The following STX18 variants were observed in gnomAD, a reference collection of about 807,000 sequenced individuals.
STX18 encodes the protein syntaxin-18.
In STX18, 40 loss-of-function variants were observed where a neutral mutation model predicts 50.1. The observed-to-expected ratio is 0.80, with a 90% CI of 0.62 to 1.04. The LOEUF is 1.04. STX18 is among the 50% of genes least tolerant of loss of function. The pLI is 0.00. For synonymous variants in STX18, 158 were observed against 151.8 expected, an observed-to-expected ratio of 1.04 and a Z score of -0.30; for missense variants, 410 against 415.8, an observed-to-expected ratio of 0.99 and a Z score of 0.12.
chr4:4,466,484 A>G (rs187022595), intron 2 of STX18, among the ~76,000 whole-genome samples: 19 of 152,334 alleles, frequency 1.2e-4, no homozygotes, highest in Admixed American at 1.2e-3. Flanking sequence ...GATTCCATCT[A>G]CGATGATAAG....
At chr4:4,494,806 A>C (rs1232435232) in intron 1 of STX18, among the ~76,000 whole-genome samples, 1 of 152,206 alleles carries the variant, frequency 6.6e-6, no homozygotes, top group Non-Finnish European at 1.5e-5. Context: ...CCTTAATTGC[A>C]AAAGGTCATT....
chr4:4,464,936 G>T (rs1727551049), intron 2 of STX18, among the ~76,000 whole-genome samples: 1 of 150,012 alleles, frequency 6.7e-6, no homozygotes, highest in Non-Finnish European at 1.5e-5. Flanking sequence ...ATCTCCTTTA[G>T]TTCAGCTCTG....
intron 1 of STX18, among the ~76,000 whole-genome samples, chr4:4,485,877 C>T (rs1192041756): frequency 4.6e-5 from 7 of 152,188 alleles, no homozygotes; most frequent in Admixed American, 4.6e-4. Context: ...CTGGTACTTT[C>T]CTGCACGGAA....
In STX18 at chr4:4,425,239, A is replaced by G. The variant is rs768564770; in HGVS notation, c.703-17T>C. ...CTGTTCAAACTGTGAGGAAACAGACACACTCAGGATGACATCATACTGAAC... is the reference window on the plus strand; with the variant it reads ...CTGTTCAAACTGTGAGGAAACAGACGCACTCAGGATGACATCATACTGAAC... On this transcript the variant is annotated splice_polypyrimidine_tract_variant and intron_variant, in intron 7 of 10. Transcript: ENST00000306200. 1.2e-6 allele frequency: 2 copies of G among 1,611,938 alleles called. No individual in the cohort carries two copies. Among genetic ancestry groups the G allele is most frequent in the Admixed American group, 1.7e-5 (1 of 59,996 alleles).
chr4:4,467,624 A>G (rs1162731954), intron 2 of STX18, among the ~76,000 whole-genome samples: 2 of 152,146 alleles, frequency 1.3e-5, no homozygotes, highest in Non-Finnish European at 2.9e-5. Context: ...CAGGCTTAAC[A>G]GCAGTGCCTT....
chr4:4,457,532 C>G lies in STX18; in HGVS notation c.353-32G>C, dbSNP rs758565155. On this transcript the variant is annotated intron_variant, in intron 3 of 10. Transcript: ENST00000306200. ...CAGAAAAAGACAATGTTCAGGCCTT[C>G]GCACTCAATTATCCTAAAGAGCAAT... 6 of 1,538,020 alleles carry G rather than the reference C, an allele frequency of 3.9e-6. No homozygotes were observed. The African/African-American group carries it at 6.9e-5, about 18-fold the overall frequency.
chr4:4,521,032 A>T (rs938483290), intron 1 of STX18, among the ~76,000 whole-genome samples: 2 of 152,022 alleles, frequency 1.3e-5, no homozygotes, highest in African/African-American at 4.8e-5. Flanking sequence ...ACAAAATCCC[A>T]CCTGACTTCA....
intron 5 of STX18, among the ~76,000 whole-genome samples, chr4:4,446,153 A>AT (rs111498626): frequency 0.3 from 45,444 of 151,844 alleles, 8,322 homozygotes; most frequent in African/African-American, 0.52. Context: ...AACCCCAGTT[A>AT]TTATATAGAA....
chr4:4,480,199 A>G lies in STX18; in HGVS notation c.169-8493T>C, dbSNP rs1728389739. Among the ~76,000 whole-genome samples, 2 of 152,226 alleles carry G rather than the reference A, an allele frequency of 1.3e-5. 1 individual carries two copies. Among genetic ancestry groups the G allele is most frequent in the South Asian group, 4.1e-4 (2 of 4,830 alleles). ...ACTTTTTGCACTTTAAAATTTTTCT[A>G]CAGTTACTACGTAAAATCCTTATAA... is the stretch of plus-strand genomic sequence containing the variant. On this transcript the variant is annotated intron_variant, in intron 1 of 10. Coordinates refer to ENST00000306200, the MANE Select transcript of STX18 (RefSeq NM_016930.4).
At chr4:4,441,914 G>T (rs1360884605) in intron 5 of STX18, among the ~76,000 whole-genome samples, 1 of 152,240 alleles carries the variant, frequency 6.6e-6, no homozygotes, top group African/African-American at 2.4e-5. Context: ...CATATGGAAT[G>T]ATAGGCAGGT....
intron 5 of STX18, among the ~76,000 whole-genome samples, chr4:4,449,840 T>C (rs764803563): frequency 2.6e-5 from 4 of 152,280 alleles, no homozygotes; most frequent in African/African-American, 9.6e-5. Flanking sequence ...GAATGTGTTA[T>C]AATGTGCTAC....
chr4:4,522,839 C>T (rs962388120), intron 1 of STX18, among the ~76,000 whole-genome samples: 1 of 152,156 alleles, frequency 6.6e-6, no homozygotes, highest in African/African-American at 2.4e-5. Flanking sequence ...TTGGAACTAG[C>T]AGAGTTTCCA....
At chr4:4,429,028 T>C (rs565388290) in intron 7 of STX18, among the ~76,000 whole-genome samples, 3 of 152,236 alleles carry the variant, frequency 2.0e-5, no homozygotes, top group Admixed American at 2.0e-4. Flanking sequence ...ACACAATGCT[T>C]TCCTTCAGCT....
intron 1 of STX18, among the ~76,000 whole-genome samples, chr4:4,504,413 T>C (rs1385850870): frequency 6.6e-6 from 1 of 152,234 alleles, no homozygotes. Flanking sequence ...ACTGAATATC[T>C]GTTTTGTGCC....
chr4:4,542,137 G>C (rs1269256871), upstream of STX18: 8 of 862,366 alleles, frequency 9.3e-6, no homozygotes, highest in African/African-American at 1.8e-5. Flanking sequence ...GGAGGAAAAA[G>C]GTTCCGGCCT....
In STX18 at chr4:4,467,590, T is replaced by C. The variant is rs114759395; in HGVS notation, c.236+4049A>G. On this transcript the variant is annotated intron_variant, in intron 2 of 10. Transcript: ENST00000306200. ...TGATCTTCAGGTTATGCCATCGCTATGCTTTCATTGCCTGCCTGCCACACA... is the reference window on the plus strand; with the variant it reads ...TGATCTTCAGGTTATGCCATCGCTACGCTTTCATTGCCTGCCTGCCACACA... Among the ~76,000 whole-genome samples, 1,063 of 152,300 alleles carry C rather than the reference T, an allele frequency of 7.0e-3. 5 individuals are homozygous for C. Among genetic ancestry groups the C allele is most frequent in the African/African-American group, 0.024 (993 of 41,568 alleles).
intron 1 of STX18, among the ~76,000 whole-genome samples, chr4:4,498,193 G>A (rs1560194607): frequency 6.6e-6 from 1 of 152,138 alleles, no homozygotes; most frequent in Non-Finnish European, 1.5e-5. Flanking sequence ...ACTCATGTAT[G>A]TATGTCTTCC....
At position 4,419,947 on chromosome 4, in the gene STX18, T is replaced by C; in HGVS notation, c.*87A>G. 8.8e-7 allele frequency: 1 copy of C among 1,131,834 alleles called. No homozygotes were observed. Among genetic ancestry groups the C allele is most frequent in the African/African-American group, 1.5e-5 (1 of 64,818 alleles). 70.1% of individuals were successfully genotyped at this position (1,131,834 alleles called of 1,614,324 possible). Reference sequence around the variant, plus strand: ...ATGGCACTGTGATAAAATCTGGTCATACCATGCTCCAGCACTGGAAGTACA... The same window carrying C: ...ATGGCACTGTGATAAAATCTGGTCACACCATGCTCCAGCACTGGAAGTACA... On this transcript the variant is annotated 3_prime_UTR_variant, in exon 11 of 11. Transcript: ENST00000306200.
At chr4:4,473,341 G>A (rs934302342) in intron 1 of STX18, among the ~76,000 whole-genome samples, 10 of 147,316 alleles carry the variant, frequency 6.8e-5, no homozygotes, top group African/African-American at 1.3e-4. Context: ...CACCAGGGCT[G>A]GAGTGCAGTG....
Sources: gnomAD v4.1 joint callset for allele counts (sites outside exome capture counted in the v4.1 genomes callset) on GRCh38, gnomAD v4.1.1 for gene constraint, MANE v1.5 for transcripts, NCBI Gene and HGNC (gene_info 2026-07-23, HGNC 2026-07-21) for gene names.